The following RRP8 variants were observed in gnomAD, a reference collection of about 807,000 sequenced individuals.
RRP8 encodes the protein ribosomal RNA processing 8, also known as ribosomal RNA-processing protein 8.
RRP8 carries 48 observed loss-of-function variants against 45.0 expected under a neutral mutation model. The observed-to-expected ratio is 1.07, with a 90% CI of 0.85 to 1.36. The LOEUF (loss-of-function observed/expected upper bound fraction) is 1.36. RRP8 is among the 40% of genes most tolerant of loss of function. The pLI, the probability that RRP8 is intolerant of heterozygous loss-of-function variation, is 0.00. For missense variants in RRP8, 658 were observed against 573.7 expected (o/e 1.15, Z -1.50); for synonymous variants, 274 against 212.4 (o/e 1.29, Z -2.52).
Position 6,600,273 on chromosome 11 carries a change from C to A in RRP8, c.1252-8G>T. 1.3e-6 allele frequency: 2 copies of A among 1,561,946 alleles called. No homozygotes were observed. The highest frequency in any genetic ancestry group is 1.7e-6 in the Non-Finnish European group (2 of 1,152,076). ...ATGGCTGTTGGTCAGGTCCTAGGGGCAGAAAAGACCCAGTGAGAACCAAAT... is the reference window on the plus strand; with the variant it reads ...ATGGCTGTTGGTCAGGTCCTAGGGGAAGAAAAGACCCAGTGAGAACCAAAT... On this transcript the variant is annotated splice_region_variant and splice_polypyrimidine_tract_variant and intron_variant, in intron 6 of 6. Coordinates refer to ENST00000254605, the MANE Select transcript of RRP8 (RefSeq NM_015324.4).
rs539468380 is a variant in RRP8 at position 6,598,692 on chromosome 11, C to T, written c.*1454G>A. On this transcript the variant is annotated 3_prime_UTR_variant, in exon 7 of 7. Coordinates refer to ENST00000254605, the MANE Select transcript of RRP8 (RefSeq NM_015324.4). ...ACTGTGTAGTGCCTGCCTAATGATT[C>T]ACAGCCCAGCCTCCAAACATGCCCT... 1 of 152,378 alleles carries T rather than the reference C, an allele frequency of 6.6e-6. No individual in the cohort carries two copies. Among genetic ancestry groups the T allele is most frequent in the African/African-American group, 2.4e-5 (1 of 41,570 alleles). 9.4% of individuals were successfully genotyped at this position (152,378 alleles called of 1,614,324 possible).
chr11:6,601,969 A>G lies in RRP8; in HGVS notation c.346T>C (p.Cys116Arg), dbSNP rs369557794. The change falls in exon 2 of 7, where the codon TGC becomes CGC. Residue 116 changes from cysteine (C) to arginine (R), a missense_variant. Transcript: ENST00000254605. ...CTGCCAACAAGAGCCTGTTTGTGGC[A>G]TTTCTTCTTCCTTTCTACTTCTTCC... is the stretch of plus-strand genomic sequence containing the variant. Reference protein sequence around the residue: ...SEEEVERKKKCHKQALVGSDS... With the variant: ...SEEEVERKKKRHKQALVGSDS... 1.2e-5 allele frequency: 20 copies of G among 1,614,000 alleles called. No homozygotes were observed. In the African/African-American group the frequency reaches 2.1e-4, roughly 17 times the overall value.
chr11:6,601,624 G>A (rs1854366787), intron 2 of RRP8, 22 bp from the exon 3 acceptor site: 2 of 1,581,740 alleles, frequency 1.3e-6, no homozygotes, highest in East Asian at 2.2e-5. Flanking sequence ...GAGATGGGAA[G>A]GTGCACATGA....
chr11:6,598,429 C>T lies in RRP8; in HGVS notation c.*1717G>A, dbSNP rs1032449500. 6.6e-6 allele frequency: 1 copy of T among 152,212 alleles called. No homozygotes were observed. The highest frequency in any genetic ancestry group is 2.4e-5 in the African/African-American group (1 of 41,434). 9.4% of individuals were successfully genotyped at this position (152,212 alleles called of 1,614,324 possible). On this transcript the variant is annotated 3_prime_UTR_variant, in exon 7 of 7. Transcript: ENST00000254605. ...AGTACACTGGCTATATCTCAAATGACAAGCTCCGGGAATACAAAGATAAAC... is the reference window on the plus strand; with the variant it reads ...AGTACACTGGCTATATCTCAAATGATAAGCTCCGGGAATACAAAGATAAAC...
rs1438446240 is a variant in RRP8, at chr11:6,597,218, TACCTAATC to T, written c.*2920_*2927del. 1 of 152,172 alleles carries T rather than the reference TACCTAATC, an allele frequency of 6.6e-6. No individual in the cohort carries two copies. The highest frequency in any genetic ancestry group is 1.9e-4 in the East Asian group (1 of 5,182). 9.4% of individuals were successfully genotyped at this position (152,172 alleles called of 1,614,324 possible). On this transcript the variant is annotated 3_prime_UTR_variant, in exon 7 of 7. Coordinates refer to ENST00000254605, the MANE Select transcript of RRP8 (RefSeq NM_015324.4). ...CTCTTCCCTCTGCTCGGCTCCTCTC[TACCTAATC>T]ACTGCTGATTGCTCTGGGCCCAAGT...
At position 6,602,088 on chromosome 11, in the gene RRP8, G is replaced by A. The variant is rs1854402525; in HGVS notation, c.227C>T (p.Pro76Leu). The A allele has an allele frequency of 3.7e-6, 6 of 1,613,132 alleles. No homozygotes were observed. The highest frequency in any genetic ancestry group is 1.7e-5 in the Admixed American group (1 of 59,944). Residue 76 changes from proline to leucine, a missense_variant, in exon 2 of 7, where the codon CCC becomes CTC. Pro to Leu is a moderately conservative substitution (Grantham distance 98). Coordinates refer to ENST00000254605, the MANE Select transcript of RRP8 (RefSeq NM_015324.4). ...EEEEERKKKC[P>L]KKASFASASA... Reference sequence around the variant, plus strand: ...GGCACTGGCAAATGATGCCTTTTTGGGGCATTTCTTCTTCCTTTCCTCCTC... The same window carrying A: ...GGCACTGGCAAATGATGCCTTTTTGAGGCATTTCTTCTTCCTTTCCTCCTC...
rs1375266832 is a variant in RRP8 at position 6,599,241 on chromosome 11, G to A, written c.*905C>T. 6.6e-6 allele frequency: 1 copy of A among 152,178 alleles called. No homozygotes were observed. The highest frequency in any genetic ancestry group is 1.5e-5 in the Non-Finnish European group (1 of 68,048). The allele number at this position is 152,178 out of a possible 1,614,324, so 9.4% of individuals were successfully genotyped here. A position where few individuals can be genotyped will look rare whatever the true frequency, so the allele number is the denominator to read the frequency against. On this transcript the variant is annotated 3_prime_UTR_variant, in exon 7 of 7. Transcript: ENST00000254605. ...AGGGAAGATCTTCAAAAAACAATAA[G>A]GCTTACAACACATAATAGTCATAGC...
In RRP8 at chr11:6,602,055, T is replaced by G. The variant is rs1057051219; in HGVS notation, c.260A>C (p.Glu87Ala). The change falls in exon 2 of 7, where the codon GAA becomes GCA. Residue 87 changes from glutamate to alanine, a missense_variant. Physicochemically the swap from Glu to Ala is moderately radical, Grantham distance 107 (BLOSUM62 -1). Coordinates refer to ENST00000254605, the MANE Select transcript of RRP8 (RefSeq NM_015324.4). ...KKASFASASA[E>A]VGKKGKKKCQ... ...TTTCTTCTTCCCTTTCTTCCCTACT[T>G]CAGCAGAGGCACTGGCAAATGATGC... 1.1e-5 allele frequency: 18 copies of G among 1,613,968 alleles called. No homozygotes were observed. Among genetic ancestry groups the G allele is most frequent in the Non-Finnish European group, 1.4e-5 (17 of 1,179,968 alleles).
chr11:6,598,986 C>G lies in RRP8; in HGVS notation c.*1160G>C, dbSNP rs145556259. ...TCCACTGCAAGGCAGAGATAGTGGA[C>G]AGACTCTTCCGCCAATGAACAGCCC... On this transcript the variant is annotated 3_prime_UTR_variant, in exon 7 of 7. Coordinates refer to ENST00000254605, the MANE Select transcript of RRP8 (RefSeq NM_015324.4). 1 of 152,418 alleles carries G rather than the reference C, an allele frequency of 6.6e-6. No homozygotes were observed. The highest frequency in any genetic ancestry group is 1.5e-5 in the Non-Finnish European group (1 of 68,080). The allele number at this position is 152,418 out of a possible 1,614,324, so 9.4% of individuals were successfully genotyped here.
Position 6,601,486 on chromosome 11 carries a change from T to A in RRP8, c.580A>T (p.Asn194Tyr), listed in dbSNP as rs1201364840. The change falls in exon 3 of 7, where the codon AAC (asparagine) becomes TAC (tyrosine). Residue 194 changes from asparagine (N) to tyrosine (Y), a missense_variant. Coordinates refer to ENST00000254605, the MANE Select transcript of RRP8 (RefSeq NM_015324.4). Reference sequence around the variant, plus strand: ...AACTTGTTCTTACATCTTCTCTTGTTCTTTTGCCGGTTCCGCCACTGCTTG... The same window carrying A: ...AACTTGTTCTTACATCTTCTCTTGTACTTTTGCCGGTTCCGCCACTGCTTG... The part of the protein sequence containing the change: ...SRKQWRNRQK[N>Y]KRRCKNKFQP... 1 of 1,613,594 alleles carries A rather than the reference T, an allele frequency of 6.2e-7. No homozygotes were observed. The highest frequency in any genetic ancestry group is 1.1e-5 in the South Asian group (1 of 91,082).
rs1282252794 is a variant in RRP8 at position 6,602,138 on chromosome 11, T to C, written c.177A>G (p.Leu59=). 10 of 1,609,118 alleles carry C rather than the reference T, an allele frequency of 6.2e-6. No homozygotes were observed. The highest frequency in any genetic ancestry group is 5.1e-6 in the Non-Finnish European group (6 of 1,176,750). The change falls in exon 2 of 7, where the codon CTA becomes CTG. Residue 59 remains leucine, a synonymous_variant. Transcript: ENST00000254605. ...CCTCCTCCTCAGAGTCACTTATACATAGGCTGGGGGGATGCTGGGAAAGAG... is the reference window on the plus strand; with the variant it reads ...CCTCCTCCTCAGAGTCACTTATACACAGGCTGGGGGGATGCTGGGAAAGAG... ...AASLSQHPPS[L]CISDSEEEEE...
chr11:6,600,874 T>A (rs1854333902), intron 4 of RRP8, 52 bp downstream of exon 4: 1 of 1,613,042 alleles, frequency 6.2e-7, no homozygotes, highest in African/African-American at 1.3e-5. Context: ...GGTTAGAGAT[T>A]AGCATACGGA....
At position 6,603,474 on chromosome 11, in the gene RRP8, G is replaced by C. The variant is rs542041353; in HGVS notation, c.29C>G (p.Ala10Gly). ...CCCAAGGCCCGCGGCTACTGGGGCCGCCTCGGCCCACTCAGGCTCTTCGAA... is the reference window on the plus strand; with the variant it reads ...CCCAAGGCCCGCGGCTACTGGGGCCCCCTCGGCCCACTCAGGCTCTTCGAA... MFEEPEWAE[A>G]APVAAGLGPV... is the part of the protein sequence containing the mutation. The change falls in exon 1 of 7, where the codon GCG becomes GGG. Residue 10 changes from alanine to glycine, a missense_variant. Ala to Gly is a moderately conservative substitution (Grantham distance 60). Coordinates refer to ENST00000254605, the MANE Select transcript of RRP8 (RefSeq NM_015324.4). 2.9e-4 allele frequency: 456 copies of C among 1,597,382 alleles called. No homozygotes were observed. Among genetic ancestry groups the C allele is most frequent in the Middle Eastern group, 2.8e-3 (13 of 4,654 alleles).
At position 6,598,899 on chromosome 11, in the gene RRP8, C is replaced by A. The variant is rs935159158; in HGVS notation, c.*1247G>T. The A allele has an allele frequency of 6.6e-6, 1 of 152,274 alleles. No homozygotes were observed. The highest frequency in any genetic ancestry group is 1.5e-5 in the Non-Finnish European group (1 of 68,092). The allele number at this position is 152,274 out of a possible 1,614,324, so 9.4% of individuals were successfully genotyped here. Reference sequence around the variant, plus strand: ...CTTTTGGGGGAGGCCTAGAATCTATCATTCAAACTCACCTTCCCTCAGCAC... The same window carrying A: ...CTTTTGGGGGAGGCCTAGAATCTATAATTCAAACTCACCTTCCCTCAGCAC... On this transcript the variant is annotated 3_prime_UTR_variant, in exon 7 of 7. Transcript: ENST00000254605.
chr11:6,600,320 C>A (rs959635222), intron 6 of RRP8, 55 bp from the exon 7 acceptor site: 1 of 1,366,304 alleles, frequency 7.3e-7, no homozygotes, highest in South Asian at 1.3e-5. Context: ...CTCCTTAAAA[C>A]ACCTCCCTCT....
At chr11:6,601,738 G>A (rs1220793672) in intron 2 of RRP8, 114 bp downstream of exon 2, 10 of 1,475,288 alleles carry the variant, frequency 6.8e-6, no homozygotes, top group Middle Eastern at 1.8e-4. Context: ...TATTGCCTGA[G>A]TACACCATTA....
At position 6,601,562 on chromosome 11, in the gene RRP8, T is replaced by G. The variant is rs761143599; in HGVS notation, c.504A>C (p.Pro168=). 3.0e-5 allele frequency: 48 copies of G among 1,604,762 alleles called. No individual in the cohort carries two copies. In the South Asian group the frequency reaches 5.1e-4, roughly 17 times the overall value. The change falls in exon 3 of 7, where the codon CCA becomes CCC. Residue 168 remains proline, a synonymous_variant. Transcript: ENST00000254605. ...GGGAAGTGGACCCAGGGCTTTGCTT[T>G]GGTGGATCATTTGTAGTACTACCCT... The part of the protein sequence containing the change: ...AWKGSTTNDP[P]KQSPGSTSPK...
chr11:6,602,291 G>C (rs1354347195), intron 1 of RRP8, 76 bp from the exon 2 acceptor site: 17 of 1,453,752 alleles, frequency 1.2e-5, no homozygotes, highest in Non-Finnish European at 1.5e-5. Context: ...GAGAGATGTG[G>C]ACCTGATTCA....
At position 6,602,199 on chromosome 11, in the gene RRP8, TGGC is replaced by T; in HGVS notation, c.113_115del (p.Arg38del). On this transcript the variant is annotated inframe_deletion, in exon 2 of 7. Transcript: ENST00000254605. ...TAGGGCCCGTAATGTGGCCAAGAGC[TGGC>T]GGCGCTTGGAGCCCTGGAGGAAAAC... is the stretch of plus-strand genomic sequence containing the variant. 1 of 1,560,354 alleles carries T rather than the reference TGGC, an allele frequency of 6.4e-7. No homozygotes were observed. Among genetic ancestry groups the T allele is most frequent in the Non-Finnish European group, 8.6e-7 (1 of 1,156,502 alleles).
Sources: allele counts gnomAD v4.1 joint callset, GRCh38; gene constraint gnomAD v4.1.1; transcripts MANE v1.5; gene names NCBI Gene and HGNC (gene_info 2026-07-23, HGNC 2026-07-21).